GSG1L: variants seen among roughly 807,000 people sequenced by gnomAD.
GSG1L encodes the protein GSG1 like, also known as germ cell-specific gene 1-like protein.
In GSG1L, 24 loss-of-function variants were observed where a neutral mutation model predicts 42.1. That is an observed-to-expected ratio of 0.57 (90% CI 0.41 to 0.80). The LOEUF (loss-of-function observed/expected upper bound fraction) is 0.80, where lower values mean the gene tolerates loss of function less well. GSG1L is among the 30% of genes least tolerant of loss of function. The pLI is 0.00. For missense variants in GSG1L, 445 were observed against 472.2 expected (o/e 0.94, Z 0.53); for synonymous variants, 215 against 203.5 (o/e 1.06, Z -0.48).
chr16:27,828,727 G>A, intron 5 of GSG1L, 62 bp downstream of exon 5: 1 of 1,518,422 alleles, frequency 6.6e-7, no homozygotes, highest in Non-Finnish European at 9.0e-7. Context: ...GGTGGCCACT[G>A]AGGCCAGGCC....
At chr16:27,908,402 C>G (rs2084344710) in intron 2 of GSG1L, among the ~76,000 whole-genome samples, 1 of 152,218 alleles carries the variant, frequency 6.6e-6, no homozygotes, top group African/African-American at 2.4e-5. Flanking sequence ...CAATAGAGAA[C>G]TGATGCATGT....
At chr16:27,976,168 A>G (rs2085248498) in intron 1 of GSG1L, among the ~76,000 whole-genome samples, 1 of 152,116 alleles carries the variant, frequency 6.6e-6, no homozygotes, top group Non-Finnish European at 1.5e-5. Flanking sequence ...CCGGCTACTC[A>G]GGAGGCTGAG....
intron 2 of GSG1L, among the ~76,000 whole-genome samples, chr16:27,903,805 G>A (rs1423856818): frequency 6.6e-6 from 1 of 152,066 alleles, no homozygotes; most frequent in South Asian, 2.1e-4. Context: ...TCAAGACAGA[G>A]ACCCCCCACC....
chr16:27,828,644 C>T (rs993009940), intron 5 of GSG1L, 145 bp downstream of exon 5: 26 of 719,148 alleles, frequency 3.6e-5, no homozygotes, highest in Non-Finnish European at 5.7e-5. Context: ...GGCGTCCAAA[C>T]TCTGCCTTCT....
chr16:27,930,530 C>A (rs2084644099), intron 2 of GSG1L, among the ~76,000 whole-genome samples: 1 of 152,134 alleles, frequency 6.6e-6, no homozygotes, highest in African/African-American at 2.4e-5. Flanking sequence ...ATTTTGGGGG[C>A]CTTGTACAGT....
At chr16:27,976,046 G>C (rs1307826658) in intron 1 of GSG1L, among the ~76,000 whole-genome samples, 1 of 152,154 alleles carries the variant, frequency 6.6e-6, no homozygotes, top group African/African-American at 2.4e-5. Context: ...AGGCTGAGGT[G>C]GGCAGATCAC....
intron 1 of GSG1L, among the ~76,000 whole-genome samples, chr16:28,056,126 G>A (rs2086276733): frequency 6.6e-6 from 1 of 152,122 alleles, no homozygotes; most frequent in South Asian, 2.1e-4. Flanking sequence ...TGTTCCCTGA[G>A]TCCCTCCTGA....
chr16:27,938,187 T>C (rs1013265859), intron 2 of GSG1L, among the ~76,000 whole-genome samples: 3 of 151,750 alleles, frequency 2.0e-5, no homozygotes, highest in Non-Finnish European at 4.4e-5. Flanking sequence ...GGGGAGGCAA[T>C]GATTGGCACC....
In GSG1L at chr16:27,888,482, CCT is replaced by C. The variant is rs2084070423; in HGVS notation, c.398-3846_398-3845del. 5.8e-4 allele frequency among the ~76,000 whole-genome samples: 40 copies of C among 68,958 alleles called. 4 individuals are homozygous for C. The highest frequency in any genetic ancestry group is 1.1e-3 in the African/African-American group (16 of 14,246). The allele number at this position is 68,958 out of a possible 152,430, so 45.2% of individuals were successfully genotyped here. A position where few individuals can be genotyped will look rare whatever the true frequency, so the allele number is the denominator to read the frequency against. On this transcript the variant is annotated intron_variant, in intron 2 of 6. Coordinates refer to ENST00000447459, the MANE Select transcript of GSG1L (RefSeq NM_001109763.2). Reference sequence around the variant, plus strand: ...TTTCTTTCTCTCTCTCTCTCTCTTTCCTTTCTTTCTTTCTTTCTTTCTTTCTT... The same window carrying C: ...TTTCTTTCTCTCTCTCTCTCTCTTTCTTCTTTCTTTCTTTCTTTCTTTCTT...
chr16:27,969,064 G>A (rs2085163963), intron 1 of GSG1L, among the ~76,000 whole-genome samples: 1 of 151,986 alleles, frequency 6.6e-6, no homozygotes. Context: ...AGCTGAGATC[G>A]CCCCACTGCA....
intron 2 of GSG1L, among the ~76,000 whole-genome samples, chr16:27,935,466 C>G (rs1356805158): frequency 2.0e-5 from 3 of 151,952 alleles, no homozygotes; most frequent in Non-Finnish European, 4.4e-5. Context: ...CTTAAATGAC[C>G]ACTTAGCGTT....
In GSG1L at chr16:28,025,142, C is replaced by T. The variant is rs571963593; in HGVS notation, c.349+37934G>A. 5.3e-5 allele frequency among the ~76,000 whole-genome samples: 8 copies of T among 152,274 alleles called. No homozygotes were observed. The East Asian group carries it at 1.5e-3, about 29-fold the overall frequency. ...GGATGCATCATGGCTCAGCAGTAGC[C>T]TGCATGAGAAAGGCTGGGGCTCTGG... On this transcript the variant is annotated intron_variant, in intron 1 of 6. Coordinates refer to ENST00000447459, the MANE Select transcript of GSG1L (RefSeq NM_001109763.2).
chr16:28,001,254 C>T (rs1197532393), intron 1 of GSG1L, among the ~76,000 whole-genome samples: 3 of 152,188 alleles, frequency 2.0e-5, no homozygotes, highest in Non-Finnish European at 2.9e-5. Context: ...GAATTGCCAT[C>T]ATTTTTCCAG....
Position 27,997,407 on chromosome 16 carries a change from C to T in GSG1L, c.350-34204G>A, listed in dbSNP as rs560386250. Among the ~76,000 whole-genome samples the T allele has an allele frequency of 3.6e-5, 5 of 139,304 alleles. No individual in the cohort carries two copies. The South Asian group carries it at 7.2e-4, about 20-fold the overall frequency. The allele number at this position is 139,304 out of a possible 152,430, so 91.4% of individuals were successfully genotyped here. ...CAACCTCGGCTCACTGCAACCTCTG[C>T]TCCCTGGATTCAAGCAATTCTCCTG... On this transcript the variant is annotated intron_variant, in intron 1 of 6. Coordinates refer to ENST00000447459, the MANE Select transcript of GSG1L (RefSeq NM_001109763.2).
chr16:27,872,728 CAA>C (rs2083837782), intron 3 of GSG1L, among the ~76,000 whole-genome samples: 1 of 152,134 alleles, frequency 6.6e-6, no homozygotes, highest in South Asian at 2.1e-4. Context: ...ATGCTAATTA[CAA>C]TTCATTAGCA....
chr16:27,934,860 G>A (rs1360707800), intron 2 of GSG1L, among the ~76,000 whole-genome samples: 1 of 152,176 alleles, frequency 6.6e-6, no homozygotes, highest in Non-Finnish European at 1.5e-5. Context: ...ATAACACCTG[G>A]CTCAGAGCAG....
chr16:27,880,898 G>T (rs538936930), intron 3 of GSG1L, among the ~76,000 whole-genome samples: 2 of 151,648 alleles, frequency 1.3e-5, no homozygotes, highest in African/African-American at 2.4e-5. Context: ...GGGACTGGAT[G>T]CCTGCCCCCC....
At chr16:27,874,949 T>A (rs568688472) in intron 3 of GSG1L, among the ~76,000 whole-genome samples, 2 of 152,164 alleles carry the variant, frequency 1.3e-5, no homozygotes, top group Non-Finnish European at 2.9e-5. Context: ...ATTAAGCCTG[T>A]GGAGTGTGAT....
intron 1 of GSG1L, among the ~76,000 whole-genome samples, chr16:27,994,643 G>C (rs1009388926): frequency 6.6e-6 from 1 of 152,082 alleles, no homozygotes; most frequent in Non-Finnish European, 1.5e-5. Flanking sequence ...TTGATCTAAA[G>C]TTCCCCTTTT....
Sources: allele counts gnomAD v4.1 joint callset (sites outside exome capture counted in the v4.1 genomes callset), GRCh38; gene constraint gnomAD v4.1.1; transcripts MANE v1.5; gene names NCBI Gene and HGNC (gene_info 2026-07-23, HGNC 2026-07-21).